The following WDR26 variants were observed in gnomAD, a reference collection of about 807,000 sequenced individuals.
WDR26 encodes the protein WD repeat-containing protein 26.
In WDR26, 5 loss-of-function variants were observed where a neutral mutation model predicts 84.1. The ratio of observed to expected loss-of-function variants is 0.06; its 90% confidence interval spans 0.03 to 0.13. The LOEUF (loss-of-function observed/expected upper bound fraction) is 0.13. Among genes scored for constraint, WDR26 ranks in the 10% least tolerant of loss-of-function variants. The pLI, the probability that WDR26 is intolerant of heterozygous loss-of-function variation, is 1.00. For synonymous variants in WDR26, 415 were observed against 389.6 expected, an observed-to-expected ratio of 1.07 and a Z score of -0.77; for missense variants, 642 against 974.9, an observed-to-expected ratio of 0.66 and a Z score of 4.55.
Position 224,406,154 on chromosome 1 carries a change from C to T in WDR26, c.1459-1584G>A, listed in dbSNP as rs183877861. On this transcript the variant is annotated intron_variant, in intron 7 of 13. Transcript: ENST00000414423. ...CTGCTTGAGTCCAGGAGTTCAAGAC[C>T]GACCTGGACAACATAGGGAGATCCC... Among the ~76,000 whole-genome samples, 72 of 151,982 alleles carry T rather than the reference C, an allele frequency of 4.7e-4. No homozygotes were observed. In the East Asian group the frequency reaches 0.012, roughly 24 times the overall value.
intron 12 of WDR26, among the ~76,000 whole-genome samples, chr1:224,394,872 A>G (rs1572157577): frequency 6.6e-6 from 1 of 152,186 alleles, no homozygotes; most frequent in African/African-American, 2.4e-5. Context: ...AGTAAATGGT[A>G]AAGTTGGGAT....
At position 224,415,453 on chromosome 1, in the gene WDR26, C is replaced by CTTTTTT. The variant is rs149995544; in HGVS notation, c.1319+2801_1319+2806dup. On this transcript the variant is annotated intron_variant, in intron 6 of 13. Coordinates refer to ENST00000414423, the MANE Select transcript of WDR26 (RefSeq NM_001379403.1). ...ACAATTCTGGAACACGTATTTCTTT[C>CTTTTTT]TTTTTTTTTTTTTTTTTTTTTTTTT... 2.2e-3 allele frequency among the ~76,000 whole-genome samples: 180 copies of CTTTTTT among 82,310 alleles called. 17 individuals are homozygous for CTTTTTT. Among genetic ancestry groups the CTTTTTT allele is most frequent in the African/African-American group, 8.0e-3 (165 of 20,558 alleles). The allele number at this position is 82,310 out of a possible 152,430, so 54.0% of individuals were successfully genotyped here.
intron 6 of WDR26, among the ~76,000 whole-genome samples, chr1:224,415,478 T>TTTTTTTTTA (rs1673873264): frequency 1.2e-5 from 1 of 82,604 alleles, no homozygotes; most frequent in African/African-American, 4.0e-5. Context: ...TTTTTTTTTT[T>TTTTTTTTTA]GAGACGGAGT....
intron 8 of WDR26, chr1:224,401,957 T>G (rs1053348037): frequency 1.3e-5 from 2 of 152,182 alleles, no homozygotes; most frequent in African/African-American, 4.8e-5. Context: ...TCAGGTATCC[T>G]CCTGTTACAT....
chr1:224,410,107 C>G (rs894845648), intron 7 of WDR26, among the ~76,000 whole-genome samples: 5 of 151,518 alleles, frequency 3.3e-5, no homozygotes, highest in Non-Finnish European at 5.9e-5. Context: ...ATGGTGAAAC[C>G]CCATCTCTAC....
chr1:224,423,403 T>C (rs1674119809), intron 4 of WDR26, among the ~76,000 whole-genome samples: 1 of 152,216 alleles, frequency 6.6e-6, no homozygotes. Context: ...GAAGTTCCTT[T>C]CTATTCCTAG....
At chr1:224,416,893 AC>A (rs964463053) in intron 6 of WDR26, among the ~76,000 whole-genome samples, 2 of 152,196 alleles carry the variant, frequency 1.3e-5, no homozygotes, top group African/African-American at 4.8e-5. Flanking sequence ...TCAATTTTAT[AC>A]AAAAAGATTT....
At chr1:224,419,912 A>G (rs1429401918) in intron 4 of WDR26, among the ~76,000 whole-genome samples, 1 of 151,980 alleles carries the variant, frequency 6.6e-6, no homozygotes, top group Non-Finnish European at 1.5e-5. Flanking sequence ...TACTTCCTTT[A>G]ATGTTTATAA....
intron 7 of WDR26, among the ~76,000 whole-genome samples, chr1:224,407,247 C>G (rs1482613866): frequency 7.7e-6 from 1 of 129,344 alleles, no homozygotes; most frequent in Non-Finnish European, 1.6e-5. Context: ...AAAAACAATA[C>G]TATATCTTCA....
At chr1:224,391,373 A>AC (rs1558412260) in intron 13 of WDR26, among the ~76,000 whole-genome samples, 8 of 114,478 alleles carry the variant, frequency 7.0e-5, no homozygotes, top group African/African-American at 2.5e-4. Context: ...CAAAAAAAAA[A>AC]AAAAAAAAAA....
chr1:224,434,700 G>A lies in WDR26; in HGVS notation c.-295C>T. ...CCCCGGCAGTGGCTGCGGCGGCGGCGGCGGCGGGCGGCAGCGGAGGCAGCT... is the reference window on the plus strand; with the variant it reads ...CCCCGGCAGTGGCTGCGGCGGCGGCAGCGGCGGGCGGCAGCGGAGGCAGCT... On this transcript the variant is annotated 5_prime_UTR_variant, in exon 1 of 14. Transcript: ENST00000414423. The A allele has an allele frequency of 4.2e-6, 4 of 948,008 alleles. No individual in the cohort carries two copies. Among genetic ancestry groups the A allele is most frequent in the Non-Finnish European group, 5.0e-6 (4 of 797,118 alleles). The allele number at this position is 948,008 out of a possible 1,614,324, so 58.7% of individuals were successfully genotyped here. A position where few individuals can be genotyped will look rare whatever the true frequency, so the allele number is the denominator to read the frequency against.
intron 13 of WDR26, among the ~76,000 whole-genome samples, chr1:224,393,196 G>A (rs1673173047): frequency 6.6e-6 from 1 of 152,176 alleles, no homozygotes; most frequent in African/African-American, 2.4e-5. Flanking sequence ...AAGTGAATTA[G>A]TTTTGCCATG....
chr1:224,405,429 T>A (rs1673524715), intron 7 of WDR26, among the ~76,000 whole-genome samples: 1 of 152,200 alleles, frequency 6.6e-6, no homozygotes, highest in Non-Finnish European at 1.5e-5. Flanking sequence ...TTCTCTTGGG[T>A]ATATACATAG....
intron 6 of WDR26, among the ~76,000 whole-genome samples, chr1:224,417,400 C>T (rs1673935477): frequency 6.6e-6 from 1 of 152,152 alleles, no homozygotes; most frequent in Non-Finnish European, 1.5e-5. Context: ...TATTCGATAT[C>T]TTAAAATTAA....
Position 224,397,980 on chromosome 1 carries a change from A to G in WDR26, c.2074+117T>C, listed in dbSNP as rs116297272. The G allele has an allele frequency of 1.2e-3, 1,513 of 1,261,940 alleles. 17 individuals carry two copies. In the African/African-American group the frequency reaches 0.02, roughly 17 times the overall value. 78.2% of individuals were successfully genotyped at this position (1,261,940 alleles called of 1,614,324 possible). A position where few individuals can be genotyped will look rare whatever the true frequency, so the allele number is the denominator to read the frequency against. On this transcript the variant is annotated intron_variant, in intron 12 of 13. Coordinates refer to ENST00000414423, the MANE Select transcript of WDR26 (RefSeq NM_001379403.1). ...GAGAGAAATTAACCGTGTATTGGAT[A>G]AATGAAAGAATTTTAACTTACTACC...
At chr1:224,402,408 G>A (rs1350699633) in intron 8 of WDR26, among the ~76,000 whole-genome samples, 1 of 152,154 alleles carries the variant, frequency 6.6e-6, no homozygotes, top group Non-Finnish European at 1.5e-5. Flanking sequence ...AATTCTGAAG[G>A]CAGAAATGGT....
At chr1:224,390,576 C>T (rs534032361) in intron 13 of WDR26, among the ~76,000 whole-genome samples, 7 of 152,150 alleles carry the variant, frequency 4.6e-5, no homozygotes, top group Non-Finnish European at 1.0e-4. Context: ...CTTTTGGTTG[C>T]TCTGTTTGAA....
At chr1:224,427,174 T>G (rs767723199) in intron 3 of WDR26, among the ~76,000 whole-genome samples, 1 of 151,770 alleles carries the variant, frequency 6.6e-6, no homozygotes, top group Non-Finnish European at 1.5e-5. Flanking sequence ...CTTGAAAATC[T>G]TATTCAGTTG....
At chr1:224,407,152 ATATATATATATATATATAT>A (rs1487947194) in intron 7 of WDR26, among the ~76,000 whole-genome samples, 2 of 12,674 alleles carry the variant, frequency 1.6e-4, no homozygotes, top group East Asian at 5.8e-3. Context: ...AAAAAAAAAA[ATATATATATATATATATAT>A]AACTCAAAAA....
Sources: allele counts gnomAD v4.1 joint callset (sites outside exome capture counted in the v4.1 genomes callset), GRCh38; gene constraint gnomAD v4.1.1; transcripts MANE v1.5; gene names NCBI Gene and HGNC (gene_info 2026-07-23, HGNC 2026-07-21).